SNTG1: variants seen among roughly 807,000 people sequenced by gnomAD.
SNTG1 encodes syntrophin gamma 1.
A neutral mutation model predicts 74.7 loss-of-function variants in SNTG1; 39 were observed. That is an observed-to-expected ratio of 0.52 (90% CI 0.40 to 0.68). The LOEUF (loss-of-function observed/expected upper bound fraction) is 0.68. Among genes scored for constraint, SNTG1 ranks in the 30% least tolerant of loss-of-function variants. The probability of loss-of-function intolerance (pLI) is 0.00; values close to 1 mark genes in which losing one functional copy is unlikely to be tolerated. For synonymous variants in SNTG1, 254 were observed against 217.1 expected (o/e 1.17, Z -1.49); for missense variants, 685 against 609.5 (o/e 1.12, Z -1.30).
chr8:50,410,403 A>T (rs1048067194), intron 4 of SNTG1, among the ~76,000 whole-genome samples: 5 of 152,238 alleles, frequency 3.3e-5, no homozygotes, highest in Non-Finnish European at 7.3e-5. Flanking sequence ...CTTTTAAAAA[A>T]AACTCTTGTA....
intron 12 of SNTG1, among the ~76,000 whole-genome samples, chr8:50,572,904 T>C (rs766907401): frequency 6.6e-6 from 1 of 152,132 alleles, no homozygotes; most frequent in Non-Finnish European, 1.5e-5. Context: ...TTCAAAATGG[T>C]TCTAGCTTTT....
In SNTG1 at chr8:50,794,559, A is replaced by T. The variant is rs950138642; in HGVS notation, c.*1730A>T. 8 of 152,044 alleles carry T rather than the reference A, an allele frequency of 5.3e-5. No homozygotes were observed. The highest frequency in any genetic ancestry group is 7.4e-5 in the Non-Finnish European group (5 of 67,956). 9.4% of individuals were successfully genotyped at this position (152,044 alleles called of 1,614,324 possible). The stretch of plus-strand genomic sequence containing the variant: ...TAGAACTTTAGAATTATTGCACACT[A>T]TATTGATCAAATACAACAGTCATTG... On this transcript the variant is annotated 3_prime_UTR_variant, in exon 19 of 19. Transcript: ENST00000642720.
At chr8:49,966,401 A>ATT (rs942293230) in intron 1 of SNTG1, among the ~76,000 whole-genome samples, 10 of 145,698 alleles carry the variant, frequency 6.9e-5, no homozygotes, top group Admixed American at 6.2e-4. Context: ...TAATTAATTA[A>ATT]TTTTTTTTTT....
chr8:50,169,756 A>G (rs1313211719), intron 1 of SNTG1, among the ~76,000 whole-genome samples: 1 of 152,024 alleles, frequency 6.6e-6, no homozygotes, highest in East Asian at 1.9e-4. Flanking sequence ...TTTCCCTCAC[A>G]GTGTTAAGTT....
chr8:50,014,837 G>A (rs1487171010), intron 1 of SNTG1, among the ~76,000 whole-genome samples: 3 of 152,038 alleles, frequency 2.0e-5, no homozygotes, highest in Admixed American at 1.3e-4. Flanking sequence ...CAGGAAATAC[G>A]TAATCTATAG....
chr8:50,291,242 A>AAGCGTG (rs567146667), intron 2 of SNTG1, among the ~76,000 whole-genome samples: 203 of 149,284 alleles, frequency 1.4e-3, no homozygotes, highest in African/African-American at 4.3e-3. Flanking sequence ...AGACAGACAT[A>AAGCGTG]TGTGTGTGTG....
chr8:50,309,043 TATAGTCATCTGGAAAGAGCTAATAC>T (rs2090008743), intron 2 of SNTG1, among the ~76,000 whole-genome samples: 1 of 152,186 alleles, frequency 6.6e-6, no homozygotes, highest in African/African-American at 2.4e-5. Flanking sequence ...TCTAGGCATT[TATAGTCATCTGGAAAGAGCTAATAC>T]TTAGAAGAAA....
chr8:50,598,014 G>A (rs2094743263), intron 13 of SNTG1, among the ~76,000 whole-genome samples: 1 of 151,232 alleles, frequency 6.6e-6, no homozygotes, highest in African/African-American at 2.4e-5. Context: ...CCTTTGATGA[G>A]CAGAAGTTTT....
intron 2 of SNTG1, among the ~76,000 whole-genome samples, chr8:50,338,622 G>A (rs2091226497): frequency 6.6e-6 from 1 of 152,068 alleles, no homozygotes; most frequent in South Asian, 2.1e-4. Flanking sequence ...CAAAACCATT[G>A]TAATAGAAAT....
At chr8:50,728,085 C>G (rs984481618) in intron 17 of SNTG1, among the ~76,000 whole-genome samples, 1 of 152,110 alleles carries the variant, frequency 6.6e-6, no homozygotes. Flanking sequence ...ATAGCTGCAA[C>G]CTGTCCTAAA....
At chr8:50,246,612 G>A (rs1199712148) in intron 2 of SNTG1, among the ~76,000 whole-genome samples, 1 of 151,594 alleles carries the variant, frequency 6.6e-6, no homozygotes, top group Non-Finnish European at 1.5e-5. Context: ...TCACAAAATT[G>A]CCCTTGTTTG....
intron 17 of SNTG1, among the ~76,000 whole-genome samples, chr8:50,744,988 T>G (rs190589582): frequency 1.3e-5 from 2 of 152,064 alleles, no homozygotes; most frequent in Admixed American, 1.3e-4. Flanking sequence ...TACTTTAAAT[T>G]TGGCAATAAT....
chr8:50,657,338 T>G (rs2131271117), intron 14 of SNTG1, among the ~76,000 whole-genome samples: 1 of 152,242 alleles, frequency 6.6e-6, no homozygotes, highest in East Asian at 1.9e-4. Flanking sequence ...TTTTCAAGCA[T>G]ATGTCAGTGT....
intron 2 of SNTG1, among the ~76,000 whole-genome samples, chr8:50,360,085 C>T (rs1042612528): frequency 6.6e-6 from 1 of 151,938 alleles, no homozygotes; most frequent in African/African-American, 2.4e-5. Flanking sequence ...ATAATCAACA[C>T]CTCTTATTAA....
At chr8:49,965,093 T>A (rs1196371696) in intron 1 of SNTG1, among the ~76,000 whole-genome samples, 1 of 152,178 alleles carries the variant, frequency 6.6e-6, no homozygotes, top group African/African-American at 2.4e-5. Flanking sequence ...ATGAAATGTC[T>A]AGTATGACGC....
intron 8 of SNTG1, among the ~76,000 whole-genome samples, chr8:50,483,311 T>C (rs1400367371): frequency 1.3e-5 from 2 of 152,270 alleles, no homozygotes; most frequent in African/African-American, 4.8e-5. Context: ...ATCTATGTAT[T>C]TTTTTTCATG....
At chr8:50,792,230 A>C (rs1346319493) in intron 18 of SNTG1, among the ~76,000 whole-genome samples, 1 of 151,806 alleles carries the variant, frequency 6.6e-6, no homozygotes, top group East Asian at 1.9e-4. Flanking sequence ...TTTCTTATTC[A>C]GTTTCTTATG....
At chr8:50,470,606 G>A (rs1445883872) in intron 8 of SNTG1, among the ~76,000 whole-genome samples, 8 of 152,016 alleles carry the variant, frequency 5.3e-5, no homozygotes, top group Admixed American at 4.6e-4. Context: ...AGGAGTGAAG[G>A]TGCAGAGCTT....
chr8:50,450,504 C>G, intron 6 of SNTG1, 52 bp from the exon 7 acceptor site: 1 of 1,575,752 alleles, frequency 6.3e-7, no homozygotes, highest in African/African-American at 1.3e-5. Flanking sequence ...GTCCTTTCAT[C>G]TGCATAACAA....
Sources: gnomAD v4.1 joint callset for allele counts (sites outside exome capture counted in the v4.1 genomes callset) on GRCh38, gnomAD v4.1.1 for gene constraint, MANE v1.5 for transcripts, NCBI Gene and HGNC (gene_info 2026-07-23, HGNC 2026-07-21) for gene names.